ITPR2: variants seen among roughly 807,000 people sequenced by gnomAD.
The protein encoded by ITPR2 is inositol 1,4,5-trisphosphate receptor type 2.
A neutral mutation model predicts 317.1 loss-of-function variants in ITPR2; 207 were observed. The ratio of observed to expected loss-of-function variants is 0.65; its 90% CI spans 0.58 to 0.73. The LOEUF (loss-of-function observed/expected upper bound fraction) is 0.73, where lower values mean the gene tolerates loss of function less well. ITPR2 is among the 30% of genes least tolerant of loss of function. The probability of loss-of-function intolerance (pLI) is 0.00; values close to 1 mark genes in which losing one functional copy is unlikely to be tolerated. For synonymous variants in ITPR2, 1,156 were observed against 1,149.1 expected, an observed-to-expected ratio of 1.01 and a Z score of -0.12; for missense variants, 2,613 against 3,284.0, an observed-to-expected ratio of 0.80 and a Z score of 4.99.
At chr12:26,467,075 G>C (rs1010051802) in intron 45 of ITPR2, among the ~76,000 whole-genome samples, 1 of 152,152 alleles carries the variant, frequency 6.6e-6, no homozygotes, top group Non-Finnish European at 1.5e-5. Context: ...AAGAGGTGAA[G>C]AGCATAAATC....
intron 42 of ITPR2, among the ~76,000 whole-genome samples, chr12:26,482,865 A>G (rs1031349528): frequency 1.3e-5 from 2 of 152,204 alleles, no homozygotes; most frequent in African/African-American, 4.8e-5. Flanking sequence ...ACAATTTTCT[A>G]TGTCAATCGT....
chr12:26,634,721 T>A (rs899127845), intron 21 of ITPR2, among the ~76,000 whole-genome samples: 18 of 151,532 alleles, frequency 1.2e-4, no homozygotes, highest in African/African-American at 3.4e-4. Flanking sequence ...CCTGTCTCTG[T>A]TAAAAATACA....
intron 13 of ITPR2, among the ~76,000 whole-genome samples, chr12:26,678,420 G>A (rs1226144813): frequency 6.6e-6 from 1 of 151,578 alleles, no homozygotes; most frequent in Non-Finnish European, 1.5e-5. Flanking sequence ...GACAGAGAGA[G>A]AGAGAGAGAA....
chr12:26,596,841 A>G, intron 31 of ITPR2, 42 bp downstream of exon 31: 1 of 1,484,982 alleles, frequency 6.7e-7, no homozygotes, highest in East Asian at 2.3e-5. Context: ...TCAAAAATTA[A>G]TAATGATTCT....
At chr12:26,647,480 G>C (rs1947138458) in intron 21 of ITPR2, among the ~76,000 whole-genome samples, 1 of 152,220 alleles carries the variant, frequency 6.6e-6, no homozygotes, top group South Asian at 2.1e-4. Flanking sequence ...ATATCCTTTA[G>C]CAAGTATAAA....
intron 43 of ITPR2, among the ~76,000 whole-genome samples, chr12:26,478,227 A>T (rs1248013933): frequency 2.0e-5 from 3 of 152,152 alleles, no homozygotes; most frequent in Non-Finnish European, 4.4e-5. Context: ...GAAGATGATG[A>T]TTGACACTAA....
chr12:26,345,069 A>T (rs867331055), intron 55 of ITPR2, among the ~76,000 whole-genome samples: 1 of 152,154 alleles, frequency 6.6e-6, no homozygotes, highest in Non-Finnish European at 1.5e-5. Context: ...TGAGACAAAT[A>T]TATAATGTAC....
In ITPR2 at chr12:26,478,599, T is replaced by C. The variant is rs1371604800; in HGVS notation, c.6124-1592A>G. Among the ~76,000 whole-genome samples the C allele has an allele frequency of 3.9e-5, 6 of 152,154 alleles. 1 individual carries two copies. Among genetic ancestry groups the C allele is most frequent in the African/African-American group, 1.4e-4 (6 of 41,442 alleles). The stretch of plus-strand genomic sequence containing the variant: ...TTTTTCTAGCCAATCTTCTTTTCTA[T>C]ATTATGTCAGAAGAATAGAAATCTT... On this transcript the variant is annotated intron_variant, in intron 43 of 56. Coordinates refer to ENST00000381340, the MANE Select transcript of ITPR2 (RefSeq NM_002223.4).
chr12:26,787,757 C>T (rs1592132315), intron 2 of ITPR2, among the ~76,000 whole-genome samples: 1 of 152,088 alleles, frequency 6.6e-6, no homozygotes, highest in Non-Finnish European at 1.5e-5. Flanking sequence ...CACCTAATGG[C>T]TATTTTGGGG....
chr12:26,822,841 GA>G (rs1950957362), intron 1 of ITPR2, among the ~76,000 whole-genome samples: 1 of 152,110 alleles, frequency 6.6e-6, no homozygotes, highest in African/African-American at 2.4e-5. Flanking sequence ...AAACCTTATG[GA>G]AAATAAGCAT....
chr12:26,583,385 T>C (rs531601045), intron 32 of ITPR2, among the ~76,000 whole-genome samples: 15 of 152,270 alleles, frequency 9.9e-5, no homozygotes, highest in African/African-American at 3.6e-4. Flanking sequence ...CTCTTTTCAA[T>C]TGTCATTTCA....
chr12:26,653,761 AC>A (rs1947311800), intron 21 of ITPR2, among the ~76,000 whole-genome samples: 1 of 152,178 alleles, frequency 6.6e-6, no homozygotes, highest in African/African-American at 2.4e-5. Context: ...ATGGAATCTG[AC>A]CTTATGAATT....
chr12:26,368,363 C>T (rs1424298119), intron 55 of ITPR2, among the ~76,000 whole-genome samples: 1 of 152,112 alleles, frequency 6.6e-6, no homozygotes, highest in Admixed American at 6.6e-5. Context: ...TCTGTTGGAT[C>T]CTTTAATCAC....
At chr12:26,496,839 G>A (rs1942942620) in intron 37 of ITPR2, among the ~76,000 whole-genome samples, 1 of 151,464 alleles carries the variant, frequency 6.6e-6, no homozygotes, top group South Asian at 2.1e-4. Flanking sequence ...AGCTACTTGG[G>A]AGGCTGAGGC....
intron 54 of ITPR2, among the ~76,000 whole-genome samples, chr12:26,390,636 G>A (rs1423250262): frequency 1.3e-5 from 2 of 152,112 alleles, no homozygotes; most frequent in East Asian, 3.9e-4. Context: ...TTCTTTCTGG[G>A]ACAATGAAAA....
intron 45 of ITPR2, among the ~76,000 whole-genome samples, chr12:26,448,608 T>C (rs1453182683): frequency 6.6e-6 from 1 of 152,126 alleles, no homozygotes; most frequent in Non-Finnish European, 1.5e-5. Context: ...AATGAATACA[T>C]GGGTAGATAC....
intron 22 of ITPR2, among the ~76,000 whole-genome samples, chr12:26,630,112 G>A (rs1008733604): frequency 2.0e-5 from 3 of 152,170 alleles, no homozygotes; most frequent in African/African-American, 7.2e-5. Context: ...CAGAAGGCAG[G>A]GGGCAGAGCT....
intron 37 of ITPR2, among the ~76,000 whole-genome samples, chr12:26,530,671 A>C (rs1353363247): frequency 6.6e-6 from 1 of 151,990 alleles, no homozygotes; most frequent in African/African-American, 2.4e-5. Flanking sequence ...ATTCTCCCCT[A>C]CTGGGTTCTT....
At chr12:26,384,855 G>T (rs144679425) in intron 55 of ITPR2, among the ~76,000 whole-genome samples, 1 of 152,090 alleles carries the variant, frequency 6.6e-6, no homozygotes, top group Non-Finnish European at 1.5e-5. Flanking sequence ...TTCTTTACTT[G>T]TCTTTCTTCT....
Sources: gnomAD v4.1 joint callset for allele counts (sites outside exome capture counted in the v4.1 genomes callset) on GRCh38, gnomAD v4.1.1 for gene constraint, MANE v1.5 for transcripts, NCBI Gene and HGNC (gene_info 2026-07-23, HGNC 2026-07-21) for gene names.